AGBL4: variants seen among roughly 807,000 people sequenced by gnomAD.
The protein encoded by AGBL4 is AGBL carboxypeptidase 4.
AGBL4 carries 58 observed loss-of-function variants against 66.4 expected under a neutral mutation model. That is an observed-to-expected ratio of 0.87 (90% CI 0.71 to 1.09). AGBL4 has a LOEUF of 1.09. Among genes scored for constraint, AGBL4 ranks in the 50% least tolerant of loss-of-function variants. AGBL4 has a pLI of 0.00. For missense variants in AGBL4, 579 were observed against 631.0 expected (o/e 0.92, Z 0.88); for synonymous variants, 234 against 222.9 (o/e 1.05, Z -0.44).
At chr1:49,948,418 A>G (rs1316532991) in intron 1 of AGBL4, among the ~76,000 whole-genome samples, 1 of 106,334 alleles carries the variant, frequency 9.4e-6, no homozygotes, top group Non-Finnish European at 1.8e-5. Context: ...AATATAGATA[A>G]ATATAGATAA....
chr1:49,801,944 C>A (rs1269213252), intron 2 of AGBL4, among the ~76,000 whole-genome samples: 1 of 152,176 alleles, frequency 6.6e-6, no homozygotes, highest in Non-Finnish European at 1.5e-5. Context: ...AAGAAAATAT[C>A]TCAGTGAAGA....
At chr1:49,681,269 C>T (rs1311645781) in intron 3 of AGBL4, among the ~76,000 whole-genome samples, 3 of 152,106 alleles carry the variant, frequency 2.0e-5, no homozygotes, top group Non-Finnish European at 4.4e-5. Context: ...TGACAGATTA[C>T]TTTTAACTAA....
chr1:48,578,543 A>G (rs1336810596), intron 11 of AGBL4, among the ~76,000 whole-genome samples: 2 of 152,176 alleles, frequency 1.3e-5, no homozygotes, highest in Non-Finnish European at 2.9e-5. Flanking sequence ...ATGCCAACCA[A>G]TAGGTGAAAC....
intron 6 of AGBL4, among the ~76,000 whole-genome samples, chr1:48,689,403 A>T (rs58295485): frequency 0.02 from 2,901 of 143,194 alleles, 112 homozygotes; most frequent in African/African-American, 0.073. Flanking sequence ...CTACCTACCT[A>T]CCTTCCTTCC....
At chr1:49,879,974 T>A (rs1647166028) in intron 1 of AGBL4, among the ~76,000 whole-genome samples, 1 of 148,860 alleles carries the variant, frequency 6.7e-6, no homozygotes, top group African/African-American at 2.5e-5. Flanking sequence ...GCTTCTGCAT[T>A]CTTCATGTAG....
chr1:49,979,780 A>C (rs1658909880), intron 1 of AGBL4, among the ~76,000 whole-genome samples: 1 of 152,168 alleles, frequency 6.6e-6, no homozygotes, highest in African/African-American at 2.4e-5. Flanking sequence ...GAATAACAAC[A>C]CAGGACCCAT....
intron 6 of AGBL4, among the ~76,000 whole-genome samples, chr1:48,808,070 A>T (rs1201001066): frequency 6.6e-6 from 1 of 152,186 alleles, no homozygotes; most frequent in Non-Finnish European, 1.5e-5. Flanking sequence ...GCTTTGTGCC[A>T]AGCAGTATAA....
intron 4 of AGBL4, among the ~76,000 whole-genome samples, chr1:49,116,813 T>A (rs1020158126): frequency 3.3e-5 from 5 of 152,186 alleles, no homozygotes; most frequent in Non-Finnish European, 7.4e-5. Context: ...TCCACAATGG[T>A]TGAACTAATT....
intron 3 of AGBL4, among the ~76,000 whole-genome samples, chr1:49,690,625 T>C (rs1646868240): frequency 6.6e-6 from 1 of 152,228 alleles, no homozygotes; most frequent in African/African-American, 2.4e-5. Flanking sequence ...AATAAATGAA[T>C]GAATTAATAT....
intron 4 of AGBL4, among the ~76,000 whole-genome samples, chr1:49,135,422 C>T (rs1434335447): frequency 6.6e-6 from 1 of 152,088 alleles, no homozygotes; most frequent in East Asian, 1.9e-4. Flanking sequence ...CCCAGCAGTG[C>T]TAGAGGAATT....
intron 9 of AGBL4, among the ~76,000 whole-genome samples, chr1:48,627,756 A>G (rs1645529220): frequency 6.6e-6 from 1 of 152,144 alleles, no homozygotes; most frequent in African/African-American, 2.4e-5. Context: ...TTTCTCCTCT[A>G]GTAAACGGGG....
chr1:49,212,585 A>G (rs761837743), intron 4 of AGBL4, among the ~76,000 whole-genome samples: 1 of 152,178 alleles, frequency 6.6e-6, no homozygotes, highest in Non-Finnish European at 1.5e-5. Flanking sequence ...AGTGTTAAGG[A>G]AAACCTTTAA....
chr1:48,764,488 G>T (rs568027851), intron 6 of AGBL4, among the ~76,000 whole-genome samples: 2 of 152,258 alleles, frequency 1.3e-5, no homozygotes, highest in South Asian at 2.1e-4. Flanking sequence ...AATGGGGAAG[G>T]GGGGGAAATA....
intron 5 of AGBL4, among the ~76,000 whole-genome samples, chr1:48,943,866 C>T (rs1476448007): frequency 6.6e-6 from 1 of 152,080 alleles, no homozygotes; most frequent in Non-Finnish European, 1.5e-5. Flanking sequence ...GGTATTAACC[C>T]TGCCTGAGGT....
At chr1:49,045,196 A>C (rs1461771139) in intron 5 of AGBL4, among the ~76,000 whole-genome samples, 4 of 152,166 alleles carry the variant, frequency 2.6e-5, no homozygotes, top group African/African-American at 4.8e-5. Flanking sequence ...TTCCTATCAG[A>C]GGCTCACAGT....
At chr1:49,560,158 A>T (rs961327521) in intron 3 of AGBL4, among the ~76,000 whole-genome samples, 2 of 152,202 alleles carry the variant, frequency 1.3e-5, no homozygotes, top group Non-Finnish European at 2.9e-5. Flanking sequence ...CCAATACTGG[A>T]GGAACAATAT....
chr1:49,171,193 C>T (rs557140932), intron 4 of AGBL4, among the ~76,000 whole-genome samples: 14 of 152,248 alleles, frequency 9.2e-5, no homozygotes, highest in Middle Eastern at 3.4e-3. Flanking sequence ...ATTCCCTAAC[C>T]GATTGCTTTT....
At chr1:49,829,053 A>G (rs1645586039) in intron 2 of AGBL4, among the ~76,000 whole-genome samples, 1 of 151,602 alleles carries the variant, frequency 6.6e-6, no homozygotes, top group South Asian at 2.1e-4. Context: ...TGGACGAAAG[A>G]GTGAGACTCC....
intron 3 of AGBL4, among the ~76,000 whole-genome samples, chr1:49,618,378 T>A (rs1013995725): frequency 1.5e-5 from 2 of 131,914 alleles, no homozygotes; most frequent in African/African-American, 5.0e-5. Flanking sequence ...AGTAATGGGA[T>A]AAATTCCTGG....
Sources: gnomAD v4.1 joint callset for allele counts (sites outside exome capture counted in the v4.1 genomes callset) on GRCh38, gnomAD v4.1.1 for gene constraint, MANE v1.5 for transcripts, NCBI Gene and HGNC (gene_info 2026-07-23, HGNC 2026-07-21) for gene names.